ANGPT2: variants seen among roughly 807,000 people sequenced by gnomAD.
ANGPT2 encodes the protein angiopoietin 2.
ANGPT2 carries 28 observed loss-of-function variants against 62.9 expected under a neutral mutation model. The ratio of observed to expected loss-of-function variants is 0.44; its 90% CI spans 0.33 to 0.61. ANGPT2 has a LOEUF of 0.61. Among genes scored for constraint, ANGPT2 ranks in the 20% least tolerant of loss-of-function variants. The pLI is 0.03. For missense variants in ANGPT2, 727 were observed against 594.9 expected (o/e 1.22, Z -2.31); for synonymous variants, 284 against 207.8 (o/e 1.37, Z -3.15).
intron 1 of ANGPT2, 143 bp downstream of exon 1, chr8:6,562,504 A>C: frequency 1.6e-6 from 1 of 636,160 alleles, no homozygotes. Context: ...CTTTCATTTG[A>C]GGGTACCAGC....
chr8:6,520,445 G>A (rs1327245635), intron 4 of ANGPT2, among the ~76,000 whole-genome samples: 2 of 152,106 alleles, frequency 1.3e-5, no homozygotes, highest in East Asian at 3.8e-4. Context: ...AGGACATAGT[G>A]GGGTGCAGTG....
intron 8 of ANGPT2, chr8:6,508,674 T>A: frequency 1.7e-6 from 1 of 593,490 alleles, no homozygotes; most frequent in African/African-American, 1.9e-5. Context: ...AAGAATCAAA[T>A]ATCCCCTCTC....
chr8:6,529,221 A>T (rs953534039), intron 2 of ANGPT2, among the ~76,000 whole-genome samples: 3 of 152,196 alleles, frequency 2.0e-5, no homozygotes, highest in Non-Finnish European at 2.9e-5. Context: ...TACCCAGGCC[A>T]GGTATTGATC....
At chr8:6,525,246 C>A (rs1818116591) in intron 3 of ANGPT2, among the ~76,000 whole-genome samples, 1 of 152,178 alleles carries the variant, frequency 6.6e-6, no homozygotes, top group Non-Finnish European at 1.5e-5. Context: ...TTCCAGCCCC[C>A]TGATCGTTGT....
At chr8:6,550,317 G>A (rs1453126688) in intron 1 of ANGPT2, among the ~76,000 whole-genome samples, 2 of 152,166 alleles carry the variant, frequency 1.3e-5, no homozygotes, top group Non-Finnish European at 2.9e-5. Context: ...CCCTATGTGT[G>A]TGGGTCCTGG....
At chr8:6,505,797 A>T (rs1352517129) in intron 8 of ANGPT2, among the ~76,000 whole-genome samples, 1 of 99,480 alleles carries the variant, frequency 1.0e-5, no homozygotes, top group Non-Finnish European at 2.5e-5. Flanking sequence ...TATATATAAA[A>T]ACATGCATAT....
At chr8:6,521,474 A>G in intron 3 of ANGPT2, 64 bp from the exon 4 acceptor site, 1 of 1,150,214 alleles carries the variant, frequency 8.7e-7, no homozygotes, top group Non-Finnish European at 1.2e-6. Flanking sequence ...ATATTTATTG[A>G]ATTTCTACTT....
At chr8:6,533,385 A>G (rs566006355) in intron 1 of ANGPT2, among the ~76,000 whole-genome samples, 2 of 152,332 alleles carry the variant, frequency 1.3e-5, no homozygotes, top group South Asian at 4.1e-4. Context: ...GCTTGGAGCC[A>G]GGGAAGCCTG....
intron 1 of ANGPT2, among the ~76,000 whole-genome samples, chr8:6,548,569 G>C (rs764666318): frequency 1.3e-5 from 2 of 152,182 alleles, no homozygotes; most frequent in Admixed American, 6.5e-5. Flanking sequence ...AAACTTGCAA[G>C]GCAGGCTGAT....
intron 5 of ANGPT2, among the ~76,000 whole-genome samples, chr8:6,519,304 C>CGTTT (rs1816865577): frequency 6.6e-6 from 1 of 152,152 alleles, no homozygotes; most frequent in Non-Finnish European, 1.5e-5. Flanking sequence ...ACTGTGTTAG[C>CGTTT]GTTTGCTCAG....
At chr8:6,525,607 T>G (rs1352805072) in intron 3 of ANGPT2, among the ~76,000 whole-genome samples, 1 of 152,228 alleles carries the variant, frequency 6.6e-6, no homozygotes, top group African/African-American at 2.4e-5. Context: ...TTGTCCAATG[T>G]GAAACACCAT....
intron 1 of ANGPT2, among the ~76,000 whole-genome samples, chr8:6,539,895 A>G (rs1821227227): frequency 6.6e-6 from 1 of 152,206 alleles, no homozygotes; most frequent in Non-Finnish European, 1.5e-5. Context: ...CCATTTAATA[A>G]TTTATGAGTG....
At chr8:6,504,271 T>G (rs544199859) in intron 8 of ANGPT2, among the ~76,000 whole-genome samples, 1 of 136,028 alleles carries the variant, frequency 7.4e-6, no homozygotes, top group Non-Finnish European at 1.5e-5. Context: ...TGAGCCGAGA[T>G]CGCGCCACTG....
At chr8:6,518,526 C>A (rs997025264) in intron 5 of ANGPT2, among the ~76,000 whole-genome samples, 1 of 152,144 alleles carries the variant, frequency 6.6e-6, no homozygotes, top group Non-Finnish European at 1.5e-5. Flanking sequence ...TTGAATAGCA[C>A]AATATTTATC....
At chr8:6,508,598 A>G (rs758661573) in intron 8 of ANGPT2, 23 of 458,190 alleles carry the variant, frequency 5.0e-5, no homozygotes, top group African/African-American at 3.0e-4. Context: ...AACTTTTTAC[A>G]TAAAGCAAAA....
At chr8:6,503,507 T>G (rs1014980252) in intron 8 of ANGPT2, among the ~76,000 whole-genome samples, 1 of 152,182 alleles carries the variant, frequency 6.6e-6, no homozygotes, top group African/African-American at 2.4e-5. Context: ...TTGTGCTGTG[T>G]GGAGAGGCCT....
At chr8:6,534,956 C>T (rs1820224257) in intron 1 of ANGPT2, among the ~76,000 whole-genome samples, 1 of 152,198 alleles carries the variant, frequency 6.6e-6, no homozygotes, top group Non-Finnish European at 1.5e-5. Context: ...AGCTGTGTGT[C>T]ACCCAGAGGC....
At chr8:6,537,134 C>T (rs182083660) in intron 1 of ANGPT2, among the ~76,000 whole-genome samples, 55 of 152,216 alleles carry the variant, frequency 3.6e-4, no homozygotes, top group Non-Finnish European at 5.4e-4. Context: ...GGAGGGGACC[C>T]GGCTCTTTCC....
chr8:6,527,495 G>A lies in ANGPT2; in HGVS notation c.566+60C>T, dbSNP rs922726306. On this transcript the variant is annotated intron_variant, in intron 3 of 8. Coordinates refer to ENST00000629816, the MANE Select transcript of ANGPT2 (RefSeq NM_001118887.2). ...TTCTGATAATTCATCATTTGAGACC[G>A]ACTTTCATATCTGGAAAGTGTGCAG... The A allele has an allele frequency of 3.8e-5, 60 of 1,569,556 alleles. 1 individual carries two copies. Among genetic ancestry groups the A allele is most frequent in the South Asian group, 3.8e-4 (33 of 87,458 alleles).
Sources: gnomAD v4.1 joint callset for allele counts (sites outside exome capture counted in the v4.1 genomes callset) on GRCh38, gnomAD v4.1.1 for gene constraint, MANE v1.5 for transcripts, NCBI Gene and HGNC (gene_info 2026-07-23, HGNC 2026-07-21) for gene names.